TBPL1: variants seen among roughly 807,000 people sequenced by gnomAD.
The protein encoded by TBPL1 is TATA-box binding protein like 1.
A neutral mutation model predicts 22.1 loss-of-function variants in TBPL1; 4 were observed. That is an observed-to-expected ratio of 0.18 (90% CI 0.09 to 0.41). The LOEUF (loss-of-function observed/expected upper bound fraction) is 0.41, where lower values mean the gene tolerates loss of function less well. Ranked by LOEUF, TBPL1 falls within the 10% of genes least tolerant of loss-of-function variation. TBPL1 has a pLI of 1.00. For synonymous variants in TBPL1, 64 were observed against 71.0 expected (o/e 0.90, Z 0.50); for missense variants, 115 against 222.3 (o/e 0.52, Z 3.07).
chr6:133,971,287 T>C (rs960161041), intron 1 of TBPL1, among the ~76,000 whole-genome samples: 1 of 152,180 alleles, frequency 6.6e-6, no homozygotes, highest in African/African-American at 2.4e-5. Flanking sequence ...CTGAATAATA[T>C]TCACATTTTC....
chr6:133,955,975 T>C (rs1775919180), intron 1 of TBPL1, among the ~76,000 whole-genome samples: 1 of 152,176 alleles, frequency 6.6e-6, no homozygotes, highest in Admixed American at 6.5e-5. Context: ...ATGAAACATA[T>C]AGCTGAATGT....
rs1776496138 is a variant in TBPL1, at chr6:133,985,300, ATATATATATATATATAT to A, written c.481+630_481+646del. ...CTAAAAAAAAAAAAAAAAAAAAAAT[ATATATATATATATATAT>A]ATATATATATATATATATATACACA... On this transcript the variant is annotated intron_variant, in intron 6 of 6. Coordinates refer to ENST00000237264, the MANE Select transcript of TBPL1 (RefSeq NM_004865.4). Among the ~76,000 whole-genome samples the A allele has an allele frequency of 4.1e-3, 148 of 35,724 alleles. 38 individuals carry two copies. The highest frequency in any genetic ancestry group is 5.1e-3 in the Non-Finnish European group (99 of 19,454). 23.4% of individuals were successfully genotyped at this position (35,724 alleles called of 152,430 possible). A position where few individuals can be genotyped will look rare whatever the true frequency, so the allele number is the denominator to read the frequency against.
At chr6:133,955,230 G>T (rs1775907015) in intron 1 of TBPL1, among the ~76,000 whole-genome samples, 1 of 148,682 alleles carries the variant, frequency 6.7e-6, no homozygotes, top group African/African-American at 2.5e-5. Flanking sequence ...ACTTGACCCA[G>T]ATCTAGTTTG....
intron 1 of TBPL1, among the ~76,000 whole-genome samples, chr6:133,978,307 T>C (rs564758481): frequency 3.9e-5 from 6 of 152,360 alleles, no homozygotes; most frequent in African/African-American, 1.4e-4. Flanking sequence ...ATATATATGC[T>C]AAGTACTTTT....
intron 1 of TBPL1, among the ~76,000 whole-genome samples, chr6:133,975,961 G>A (rs1776305830): frequency 6.6e-6 from 1 of 152,138 alleles, no homozygotes; most frequent in Non-Finnish European, 1.5e-5. Flanking sequence ...ATAGCCTTGT[G>A]AGTTTAAATG....
At chr6:133,972,041 A>G (rs1186713767) in intron 1 of TBPL1, among the ~76,000 whole-genome samples, 2 of 152,196 alleles carry the variant, frequency 1.3e-5, no homozygotes, top group South Asian at 2.1e-4. Context: ...TCTGTGCTTT[A>G]TCTTAGAATA....
chr6:133,956,452 A>G lies in TBPL1; in HGVS notation c.-45+3027A>G, dbSNP rs561759032. Among the ~76,000 whole-genome samples, 12 of 152,310 alleles carry G rather than the reference A, an allele frequency of 7.9e-5. No individual in the cohort carries two copies. The East Asian group carries it at 2.3e-3, about 29-fold the overall frequency. ...GTAATAAAACATGACAGACACAAATATGAATTTTAAATTCTTTATTACATA... is the reference window on the plus strand; with the variant it reads ...GTAATAAAACATGACAGACACAAATGTGAATTTTAAATTCTTTATTACATA... On this transcript the variant is annotated intron_variant, in intron 1 of 6. Coordinates refer to ENST00000237264, the MANE Select transcript of TBPL1 (RefSeq NM_004865.4).
In TBPL1 at chr6:133,984,650, A is replaced by G; in HGVS notation, c.460A>G (p.Thr154Ala). 1 of 1,612,384 alleles carries G rather than the reference A, an allele frequency of 6.2e-7. No individual in the cohort carries two copies. Among genetic ancestry groups the G allele is most frequent in the Non-Finnish European group, 8.5e-7 (1 of 1,179,654 alleles). Residue 154 changes from threonine to alanine, a missense_variant, in exon 6 of 7, where the codon ACA (threonine) becomes GCA (alanine). Physicochemically the swap from Thr to Ala is moderately conservative, Grantham distance 58. Transcript: ENST00000237264. Reference protein sequence around the residue: ...SLRATLQIFSTGSITVTGPNV... With the variant: ...SLRATLQIFSAGSITVTGPNV... ...AAGAGCTACATTACAGATTTTTTCA[A>G]CAGGAAGTATCACAGTAACAGGTAT...
chr6:133,961,836 A>G (rs926058404), intron 1 of TBPL1, among the ~76,000 whole-genome samples: 1 of 152,154 alleles, frequency 6.6e-6, no homozygotes, highest in African/African-American at 2.4e-5. Flanking sequence ...TTTCTCTTTC[A>G]TTATCTCGTT....
At position 133,969,437 on chromosome 6, in the gene TBPL1, A is replaced by G. The variant is rs527899060; in HGVS notation, c.-44-10645A>G. On this transcript the variant is annotated intron_variant, in intron 1 of 6. Transcript: ENST00000237264. ...AACAGTCTTCAGACTGAATATCTAG[A>G]TTGAGTCTCATAGATAGTAGGTAGT... 3.9e-5 allele frequency among the ~76,000 whole-genome samples: 6 copies of G among 152,200 alleles called. No individual in the cohort carries two copies. In the East Asian group the frequency reaches 7.7e-4, roughly 20 times the overall value.
In TBPL1 at chr6:133,974,469, G is replaced by C. The variant is rs142186561; in HGVS notation, c.-44-5613G>C. On this transcript the variant is annotated intron_variant, in intron 1 of 6. Transcript: ENST00000237264. Reference sequence around the variant, plus strand: ...CTTCCTCAGCCTCCTGAGTAGCTGGGATTACAGGCGTGCACCACCACGCCC... The same window carrying C: ...CTTCCTCAGCCTCCTGAGTAGCTGGCATTACAGGCGTGCACCACCACGCCC... 9.2e-4 allele frequency among the ~76,000 whole-genome samples: 140 copies of C among 152,280 alleles called. No homozygotes were observed. The East Asian group carries it at 0.02, about 22-fold the overall frequency.
chr6:133,960,133 T>G (rs1775995864), intron 1 of TBPL1, among the ~76,000 whole-genome samples: 1 of 152,308 alleles, frequency 6.6e-6, no homozygotes, highest in African/African-American at 2.4e-5. Flanking sequence ...ATACCTTAAT[T>G]GCTTGTGGGT....
intron 1 of TBPL1, among the ~76,000 whole-genome samples, chr6:133,979,141 T>C (rs1053240020): frequency 3.7e-4 from 56 of 152,200 alleles, no homozygotes; most frequent in Non-Finnish European, 1.6e-4. Flanking sequence ...GTAGAGCTCC[T>C]CCTGTACACC....
At position 133,987,015 on chromosome 6, in the gene TBPL1, T is replaced by G; in HGVS notation, c.536T>G (p.Phe179Cys). 1 of 1,609,256 alleles carries G rather than the reference T, an allele frequency of 6.2e-7. No homozygotes were observed. The highest frequency in any genetic ancestry group is 8.5e-7 in the Non-Finnish European group (1 of 1,177,866). Residue 179 changes from phenylalanine (F) to cysteine (C), a missense_variant, in exon 7 of 7, where the codon TTT becomes TGT. Phe to Cys is a radical substitution (Grantham distance 205, BLOSUM62 -2). Coordinates refer to ENST00000237264, the MANE Select transcript of TBPL1 (RefSeq NM_004865.4). ...TAVEQIYPFV[F>C]ESRKEIL ...GTGGAACAGATTTACCCATTTGTGT[T>G]TGAAAGCAGGAAAGAAATTTTATAA... is the stretch of plus-strand genomic sequence containing the variant.
intron 1 of TBPL1, among the ~76,000 whole-genome samples, chr6:133,955,741 G>A (rs1286258202): frequency 6.6e-6 from 1 of 152,152 alleles, no homozygotes; most frequent in Non-Finnish European, 1.5e-5. Context: ...GTATTGTAGA[G>A]CCTGTTCTGT....
At position 133,985,289 on chromosome 6, in the gene TBPL1, AAAAAAAAAATATATATATATATATATAT is replaced by A. The variant is rs1432199118; in HGVS notation, c.481+620_481+647del. On this transcript the variant is annotated intron_variant, in intron 6 of 6. Coordinates refer to ENST00000237264, the MANE Select transcript of TBPL1 (RefSeq NM_004865.4). The stretch of plus-strand genomic sequence containing the variant: ...TGAGACTCTGTCTAAAAAAAAAAAA[AAAAAAAAAATATATATATATATATATAT>A]ATATATATATATATATATATACACA... 6.6e-4 allele frequency among the ~76,000 whole-genome samples: 42 copies of A among 63,866 alleles called. 8 individuals carry two copies. The highest frequency in any genetic ancestry group is 1.2e-3 in the African/African-American group (20 of 16,230). The allele number at this position is 63,866 out of a possible 152,430, so 41.9% of individuals were successfully genotyped here.
At chr6:133,957,799 G>T (rs895092881) in intron 1 of TBPL1, among the ~76,000 whole-genome samples, 3 of 152,208 alleles carry the variant, frequency 2.0e-5, no homozygotes, top group Non-Finnish European at 4.4e-5. Flanking sequence ...ACGTTACAGG[G>T]TTGCTGTGAG....
intron 1 of TBPL1, among the ~76,000 whole-genome samples, chr6:133,954,993 C>T (rs868837067): frequency 2.0e-5 from 3 of 152,162 alleles, no homozygotes; most frequent in Middle Eastern, 3.4e-3. Flanking sequence ...AAGAAGTGGA[C>T]AGGATGCAAA....
intron 6 of TBPL1, among the ~76,000 whole-genome samples, chr6:133,985,297 A>AAAAT (rs1449435525): frequency 3.3e-4 from 14 of 42,896 alleles, no homozygotes; most frequent in African/African-American, 4.6e-4. Context: ...AAAAAAAAAA[A>AAAAT]ATATATATAT....
Sources: gnomAD v4.1 joint callset for allele counts (sites outside exome capture counted in the v4.1 genomes callset) on GRCh38, gnomAD v4.1.1 for gene constraint, MANE v1.5 for transcripts, NCBI Gene and HGNC (gene_info 2026-07-23, HGNC 2026-07-21) for gene names.